GRIA1: variants seen among roughly 807,000 people sequenced by gnomAD.
GRIA1 encodes the protein glutamate receptor 1.
Under a neutral mutation model 99.2 loss-of-function variants are expected in GRIA1, and 31 were observed. The observed-to-expected ratio is 0.31, with a 90% CI of 0.23 to 0.42. GRIA1 has a LOEUF of 0.42. Ranked by LOEUF, GRIA1 falls within the 10% of genes least tolerant of loss-of-function variation. The pLI is 1.00. For synonymous variants in GRIA1, 438 were observed against 432.4 expected (o/e 1.01, Z -0.16); for missense variants, 782 against 1,157.5 (o/e 0.68, Z 4.71).
chr5:153,577,051 T>TGGAC (rs1762613184), intron 2 of GRIA1, among the ~76,000 whole-genome samples: 1 of 138,838 alleles, frequency 7.2e-6, no homozygotes, highest in South Asian at 2.8e-4. Context: ...GGTGGATGGA[T>TGGAC]GGATGGATGG....
intron 11 of GRIA1, among the ~76,000 whole-genome samples, chr5:153,751,262 C>T (rs1396238609): frequency 6.6e-6 from 1 of 152,140 alleles, no homozygotes; most frequent in Non-Finnish European, 1.5e-5. Flanking sequence ...CTAAGGATCA[C>T]ACAATAATAA....
At chr5:153,720,004 G>T (rs1029506603) in intron 11 of GRIA1, among the ~76,000 whole-genome samples, 1 of 152,148 alleles carries the variant, frequency 6.6e-6, no homozygotes, top group African/African-American at 2.4e-5. Context: ...TGTAGTCAGT[G>T]TTTATTAATT....
At chr5:153,591,422 C>T (rs1044674303) in intron 2 of GRIA1, among the ~76,000 whole-genome samples, 3 of 152,304 alleles carry the variant, frequency 2.0e-5, no homozygotes, top group Non-Finnish European at 2.9e-5. Flanking sequence ...AAAACCCTGA[C>T]CAACACATCC....
chr5:153,748,860 C>A (rs929060985), intron 11 of GRIA1, among the ~76,000 whole-genome samples: 3 of 152,068 alleles, frequency 2.0e-5, no homozygotes, highest in African/African-American at 7.2e-5. Flanking sequence ...GAATTGGATA[C>A]TTCAGGTCTA....
chr5:153,710,350 G>A (rs1320475576), intron 11 of GRIA1, among the ~76,000 whole-genome samples: 2 of 152,000 alleles, frequency 1.3e-5, no homozygotes, highest in Admixed American at 6.6e-5. Flanking sequence ...AGCCTCCTGA[G>A]TAGCTGGGAC....
At chr5:153,735,210 T>C (rs763194160) in intron 11 of GRIA1, among the ~76,000 whole-genome samples, 1 of 152,168 alleles carries the variant, frequency 6.6e-6, no homozygotes, top group Admixed American at 6.5e-5. Context: ...GAGGATATTG[T>C]AGCAGGAAGA....
At chr5:153,786,266 C>G (rs1764957090) in intron 13 of GRIA1, among the ~76,000 whole-genome samples, 1 of 152,024 alleles carries the variant, frequency 6.6e-6, no homozygotes, top group Admixed American at 6.5e-5. Flanking sequence ...ACTCTGTCAG[C>G]TGTTCTAACC....
chr5:153,709,267 A>G (rs988765581), intron 11 of GRIA1, among the ~76,000 whole-genome samples: 5 of 152,242 alleles, frequency 3.3e-5, no homozygotes, highest in African/African-American at 1.2e-4. Context: ...GCTGACATTC[A>G]TCAAACATCC....
In GRIA1 at chr5:153,739,888, TG is replaced by T. The variant is rs757620968; in HGVS notation, c.1824-24545del. ...AATTAGAACTGTCAGTATAAGTCAC[TG>T]AAAAAAGTGCAATCTCTTGGAAAAC... On this transcript the variant is annotated intron_variant, in intron 11 of 15. Coordinates refer to ENST00000285900, the MANE Select transcript of GRIA1 (RefSeq NM_000827.4). Among the ~76,000 whole-genome samples the T allele has an allele frequency of 8.5e-4, 130 of 152,276 alleles. 1 individual carries two copies. Among genetic ancestry groups the T allele is most frequent in the Non-Finnish European group, 1.4e-3 (97 of 68,010 alleles).
chr5:153,608,081 A>G (rs1765612365), intron 2 of GRIA1, among the ~76,000 whole-genome samples: 1 of 152,138 alleles, frequency 6.6e-6, no homozygotes, highest in African/African-American at 2.4e-5. Context: ...AGCACTTTAA[A>G]GATGTAATTT....
At chr5:153,794,157 G>A (rs963585518) in intron 13 of GRIA1, among the ~76,000 whole-genome samples, 4 of 152,258 alleles carry the variant, frequency 2.6e-5, no homozygotes, top group Admixed American at 2.0e-4. Flanking sequence ...TGTGATGTGA[G>A]AAACACTCAG....
At chr5:153,682,290 G>A (rs754473904) in intron 7 of GRIA1, among the ~76,000 whole-genome samples, 8 of 152,138 alleles carry the variant, frequency 5.3e-5, no homozygotes, top group East Asian at 1.9e-4. Context: ...GGAGCCCTGC[G>A]TCCAGTTTGA....
Position 153,799,436 on chromosome 5 carries a change from G to A in GRIA1, c.2386-2920G>A, listed in dbSNP as rs79529125. Among the ~76,000 whole-genome samples the A allele has an allele frequency of 4.1e-3, 619 of 152,288 alleles. 2 individuals carry two copies. Among genetic ancestry groups the A allele is most frequent in the Admixed American group, 6.9e-3 (105 of 15,288 alleles). ...GGCCTGAGGCCTCCTTAGAAAGACCGTATCAAAAAGCTAATGACACGCTTA... is the reference window on the plus strand; with the variant it reads ...GGCCTGAGGCCTCCTTAGAAAGACCATATCAAAAAGCTAATGACACGCTTA... On this transcript the variant is annotated intron_variant, in intron 14 of 15. Transcript: ENST00000285900.
At chr5:153,791,257 A>G (rs1765285015) in intron 13 of GRIA1, among the ~76,000 whole-genome samples, 1 of 150,906 alleles carries the variant, frequency 6.6e-6, no homozygotes, top group Non-Finnish European at 1.5e-5. Flanking sequence ...CAACATAGTG[A>G]GACCTCATAT....
At chr5:153,556,555 A>G (rs1760663657) in intron 2 of GRIA1, among the ~76,000 whole-genome samples, 1 of 152,154 alleles carries the variant, frequency 6.6e-6, no homozygotes, top group African/African-American at 2.4e-5. Flanking sequence ...TGTTCAACCA[A>G]TATTTGTTGC....
At chr5:153,618,272 A>G (rs1429801241) in intron 2 of GRIA1, among the ~76,000 whole-genome samples, 1 of 152,236 alleles carries the variant, frequency 6.6e-6, no homozygotes, top group African/African-American at 2.4e-5. Flanking sequence ...CAATTTAACC[A>G]GCTTTCAGAC....
intron 2 of GRIA1, among the ~76,000 whole-genome samples, chr5:153,553,644 G>A (rs1209317748): frequency 1.3e-5 from 2 of 152,080 alleles, no homozygotes; most frequent in African/African-American, 4.8e-5. Flanking sequence ...GCTCACGTGA[G>A]GCATTCTTCC....
intron 7 of GRIA1, among the ~76,000 whole-genome samples, 154 bp from the exon 8 acceptor site, chr5:153,686,071 G>C (rs187342880): frequency 4.3e-4 from 65 of 152,318 alleles, no homozygotes; most frequent in African/African-American, 1.5e-3. Context: ...TCCCTTGCCT[G>C]TGGCAAGGGA....
chr5:153,769,022 G>A (rs6580040), intron 12 of GRIA1, among the ~76,000 whole-genome samples: 110,625 of 152,060 alleles, frequency 0.73, 40,901 homozygotes, highest in East Asian at 0.95. Context: ...AAGGTACTCA[G>A]TTAGACCCTG....
Sources: allele counts gnomAD v4.1 joint callset (sites outside exome capture counted in the v4.1 genomes callset), GRCh38; gene constraint gnomAD v4.1.1; transcripts MANE v1.5; gene names NCBI Gene and HGNC (gene_info 2026-07-23, HGNC 2026-07-21).